AKNA: variants seen among roughly 807,000 people sequenced by gnomAD.
The protein encoded by AKNA is microtubule organization protein AKNA.
AKNA carries 67 observed loss-of-function variants against 138.8 expected under a neutral mutation model. The observed-to-expected ratio is 0.48, with a 90% CI of 0.40 to 0.59. The LOEUF is 0.59. Ranked by LOEUF, AKNA falls within the 20% of genes least tolerant of loss-of-function variation. AKNA has a pLI of 0.00. For synonymous variants in AKNA, 737 were observed against 754.4 expected, an observed-to-expected ratio of 0.98 and a Z score of 0.38; for missense variants, 1,813 against 1,880.4, an observed-to-expected ratio of 0.96 and a Z score of 0.66.
intron 1 of AKNA, among the ~76,000 whole-genome samples, 198 bp downstream of exon 1, chr9:114,387,662 C>T (rs1400967442): frequency 6.6e-6 from 1 of 152,212 alleles, no homozygotes; most frequent in East Asian, 1.9e-4. Flanking sequence ...CATCCTGAGG[C>T]TTGACGAAAT....
chr9:114,368,173 G>C, intron 5 of AKNA: 5 of 368,494 alleles, frequency 1.4e-5, no homozygotes, highest in Non-Finnish European at 2.4e-5. Flanking sequence ...GGCTCCCCAG[G>C]GACAATGCTC....
rs1832124290 is a variant in AKNA, at chr9:114,363,555, T to C, written c.1788+1005A>G. On this transcript the variant is annotated intron_variant, in intron 7 of 21. Transcript: ENST00000374088. ...GTGATTGGAAAATGTACATGACATCTATGTAACCACACAGGAAATATCCTG... is the reference window on the plus strand; with the variant it reads ...GTGATTGGAAAATGTACATGACATCCATGTAACCACACAGGAAATATCCTG... Among the ~76,000 whole-genome samples, 3 of 152,262 alleles carry C rather than the reference T, an allele frequency of 2.0e-5. No homozygotes were observed. In the South Asian group the frequency reaches 6.2e-4, roughly 31 times the overall value.
chr9:114,337,540 G>A (rs1830079146), intron 21 of AKNA, among the ~76,000 whole-genome samples: 1 of 152,142 alleles, frequency 6.6e-6, no homozygotes, highest in South Asian at 2.1e-4. Context: ...AGGTGTTCAA[G>A]GACAGGAAGT....
intron 1 of AKNA, among the ~76,000 whole-genome samples, chr9:114,386,180 A>T (rs971453198): frequency 7.2e-5 from 11 of 152,224 alleles, no homozygotes; most frequent in African/African-American, 1.7e-4. Context: ...TTAACTTTTT[A>T]AAAAAGCCCT....
At chr9:114,347,461 T>G (rs1687394) in intron 16 of AKNA, among the ~76,000 whole-genome samples, 23,125 of 151,998 alleles carry the variant, frequency 0.15, 5,566 homozygotes, top group African/African-American at 0.51. Context: ...CTCGTCATCT[T>G]CCCGCCTCGG....
chr9:114,372,969 G>GGGGT lies in AKNA; in HGVS notation c.1416+1123_1416+1124insACCC, dbSNP rs1554842085. Among the ~76,000 whole-genome samples, 2 of 137,824 alleles carry GGGGT rather than the reference G, an allele frequency of 1.5e-5. 1 individual carries two copies. Among genetic ancestry groups the GGGGT allele is most frequent in the Non-Finnish European group, 3.1e-5 (2 of 64,212 alleles). The allele number at this position is 137,824 out of a possible 152,430, so 90.4% of individuals were successfully genotyped here. On this transcript the variant is annotated intron_variant, in intron 4 of 21. Coordinates refer to ENST00000374088, the MANE Select transcript of AKNA (RefSeq NM_001317950.2). ...CAGCAGGTGTGGGGACGCAGCGGGG[G>GGGGT]GGGGGGGGGTCCTGGTCCTAGAACA...
At chr9:114,369,081 T>C (rs1003892468) in intron 4 of AKNA, among the ~76,000 whole-genome samples, 4 of 152,220 alleles carry the variant, frequency 2.6e-5, no homozygotes, top group African/African-American at 9.7e-5. Flanking sequence ...TAGCAACTAA[T>C]AGCTATTCGA....
chr9:114,372,590 C>T (rs567778546), intron 4 of AKNA, among the ~76,000 whole-genome samples: 4 of 152,298 alleles, frequency 2.6e-5, no homozygotes, highest in South Asian at 4.1e-4. Flanking sequence ...ACGCTCCACG[C>T]CTCCAGCCCC....
rs982759518 is a variant in AKNA, at chr9:114,334,679, C to A, written c.*2375G>T. On this transcript the variant is annotated 3_prime_UTR_variant, in exon 22 of 22. Coordinates refer to ENST00000374088, the MANE Select transcript of AKNA (RefSeq NM_001317950.2). ...ACAGCCTCTTGTTACGTGAGGGAAG[C>A]AGCACCCCTTCCGTGGCAGAAAAGT... The A allele has an allele frequency of 1.4e-5, 2 of 147,010 alleles. No individual in the cohort carries two copies. The highest frequency in any genetic ancestry group is 2.9e-5 in the Non-Finnish European group (2 of 67,944). 9.1% of individuals were successfully genotyped at this position (147,010 alleles called of 1,614,324 possible).
chr9:114,392,104 C>CAAAAAAAA (rs61619495), upstream of AKNA, among the ~76,000 whole-genome samples: 384 of 86,556 alleles, frequency 4.4e-3, 8 homozygotes, highest in African/African-American at 0.014. Flanking sequence ...AGACGCTTGT[C>CAAAAAAAA]AAAAAAAAAA....
intron 15 of AKNA, among the ~76,000 whole-genome samples, 186 bp downstream of exon 15, chr9:114,350,673 T>C (rs1348858399): frequency 6.6e-6 from 1 of 152,100 alleles, no homozygotes; most frequent in Non-Finnish European, 1.5e-5. Context: ...GTGTCCTCGA[T>C]GTCTAGATCA....
chr9:114,365,623 T>C (rs1832290838), intron 6 of AKNA, among the ~76,000 whole-genome samples: 1 of 151,738 alleles, frequency 6.6e-6, no homozygotes, highest in South Asian at 2.1e-4. Context: ...ACACCATCTA[T>C]AATTTTCTCA....
rs1359635845 is a variant in AKNA, at chr9:114,335,903, AG to A, written c.*1150del. 2.0e-5 allele frequency: 3 copies of A among 152,258 alleles called. No homozygotes were observed. The highest frequency in any genetic ancestry group is 4.4e-5 in the Non-Finnish European group (3 of 68,082). 9.4% of individuals were successfully genotyped at this position (152,258 alleles called of 1,614,324 possible). ...ATTTACATCTCTGGCCTCAGTCAAA[AG>A]GGACTTGGCTAGGCAGCCCCACCTC... On this transcript the variant is annotated 3_prime_UTR_variant, in exon 22 of 22. Coordinates refer to ENST00000374088, the MANE Select transcript of AKNA (RefSeq NM_001317950.2).
intron 17 of AKNA, among the ~76,000 whole-genome samples, 156 bp downstream of exon 17, chr9:114,346,513 G>A (rs1305849098): frequency 6.6e-6 from 1 of 152,252 alleles, no homozygotes; most frequent in African/African-American, 2.4e-5. Flanking sequence ...GACTTTAGAA[G>A]TGCTCTGTGC....
At chr9:114,368,099 T>C (rs1832502331) in intron 5 of AKNA, 2 of 281,184 alleles carry the variant, frequency 7.1e-6, no homozygotes, top group South Asian at 2.8e-4. Flanking sequence ...CCTCAGCGGG[T>C]TATTGTGGGG....
At chr9:114,332,511 T>A (rs1829872549), downstream of AKNA, among the ~76,000 whole-genome samples, 1 of 152,132 alleles carries the variant, frequency 6.6e-6, no homozygotes, top group African/African-American at 2.4e-5. Flanking sequence ...TTCCAATTTT[T>A]AAAATATATA....
At chr9:114,348,083 T>C (rs1830825595) in intron 15 of AKNA, among the ~76,000 whole-genome samples, 183 bp from the exon 16 acceptor site, 1 of 152,248 alleles carries the variant, frequency 6.6e-6, no homozygotes, top group South Asian at 2.1e-4. Flanking sequence ...ACTTGACACC[T>C]TTCTGAGTTC....
chr9:114,350,973 G>T lies in AKNA; in HGVS notation c.3107C>A (p.Pro1036His), dbSNP rs763087343. 1.9e-6 allele frequency: 3 copies of T among 1,613,652 alleles called. No homozygotes were observed. The highest frequency in any genetic ancestry group is 2.5e-6 in the Non-Finnish European group (3 of 1,179,942). Residue 1036 changes from proline (P) to histidine (H), a missense_variant, in exon 15 of 22, where the codon CCC becomes CAC. Physicochemically the swap from Pro to His is moderately conservative, Grantham distance 77 (BLOSUM62 -2). Coordinates refer to ENST00000374088, the MANE Select transcript of AKNA (RefSeq NM_001317950.2). The part of the protein sequence containing the change: ...FEGHKRISEQ[P>H]LPNKTISPPP... Reference sequence around the variant, plus strand: ...TGGGCTGATTGTCTTGTTGGGAAGGGGCTGTTCAGAAATCCGTTTGTGCCC... The same window carrying T: ...TGGGCTGATTGTCTTGTTGGGAAGGTGCTGTTCAGAAATCCGTTTGTGCCC...
chr9:114,391,656 C>T (rs971214355), upstream of AKNA, among the ~76,000 whole-genome samples: 1 of 152,068 alleles, frequency 6.6e-6, no homozygotes, highest in African/African-American at 2.4e-5. Flanking sequence ...CGACACCAGC[C>T]TGGGCAACAT....
Sources: allele counts gnomAD v4.1 joint callset (sites outside exome capture counted in the v4.1 genomes callset), GRCh38; gene constraint gnomAD v4.1.1; transcripts MANE v1.5; gene names NCBI Gene and HGNC (gene_info 2026-07-23, HGNC 2026-07-21).